Variants in SNTG2 observed in about 807,000 individuals in gnomAD.
SNTG2 encodes the protein syntrophin gamma 2.
SNTG2 carries 74 observed loss-of-function variants against 70.9 expected under a neutral mutation model. That is an observed-to-expected ratio of 1.04 (90% confidence interval 0.86 to 1.27). The LOEUF is 1.27. SNTG2 is among the 50% of genes most tolerant of loss of function. The pLI is 0.00. For synonymous variants in SNTG2, 278 were observed against 273.8 expected (o/e 1.02, Z -0.15); for missense variants, 717 against 690.7 (o/e 1.04, Z -0.43).
chr2:1,136,897 G>A (rs552130922), intron 4 of SNTG2, among the ~76,000 whole-genome samples: 5 of 152,178 alleles, frequency 3.3e-5, no homozygotes, highest in Non-Finnish European at 2.9e-5. Context: ...GATCAGAGCC[G>A]TCTCTGTACG....
chr2:1,305,038 A>G (rs1395162822), intron 14 of SNTG2, among the ~76,000 whole-genome samples: 1 of 152,094 alleles, frequency 6.6e-6, no homozygotes, highest in African/African-American at 2.4e-5. Context: ...TAATTGATTC[A>G]GAAGCTTTGC....
chr2:1,049,453 A>C (rs1381711804), intron 1 of SNTG2, among the ~76,000 whole-genome samples: 1 of 152,114 alleles, frequency 6.6e-6, no homozygotes, highest in African/African-American at 2.4e-5. Flanking sequence ...TACTAACATG[A>C]ATTTAAGCTT....
At chr2:1,269,371 A>G (rs1444643154) in intron 14 of SNTG2, among the ~76,000 whole-genome samples, 3 of 152,118 alleles carry the variant, frequency 2.0e-5, no homozygotes, top group Non-Finnish European at 2.9e-5. Flanking sequence ...ATAATAAAAT[A>G]TTAGCCAGGC....
intron 9 of SNTG2, among the ~76,000 whole-genome samples, chr2:1,209,752 A>C (rs1284354098): frequency 6.6e-6 from 1 of 152,244 alleles, no homozygotes; most frequent in African/African-American, 2.4e-5. Context: ...TTCGAGTAGA[A>C]AAATGTATGC....
At chr2:1,009,973 C>T (rs1188088400) in intron 1 of SNTG2, among the ~76,000 whole-genome samples, 1 of 152,148 alleles carries the variant, frequency 6.6e-6, no homozygotes, top group Non-Finnish European at 1.5e-5. Context: ...CAAGTTAAGT[C>T]ACCGTTTGGG....
In SNTG2 at chr2:1,247,360, C is replaced by T. The variant is rs868729393; in HGVS notation, c.922C>T (p.Gln308Ter). The T allele has an allele frequency of 1.9e-6, 3 of 1,613,802 alleles. No individual in the cohort carries two copies. The highest frequency in any genetic ancestry group is 4.5e-5 in the East Asian group (2 of 44,856). The change falls in exon 12 of 17, where the codon CAA becomes TAA. Residue 308 changes from glutamine to a stop codon, truncating the protein, a stop_gained. Transcript: ENST00000308624. LOFTEE classifies it high-confidence loss of function. ...TATGGGGTGGGTAAATGAGAAACTC[C>T]AAGGAGCTGACTCCTCTCAAACCTT... ...VHMGWVNEKL[Q>*]GADSSQTFRP...
chr2:1,153,323 T>C (rs1197980389), intron 6 of SNTG2, among the ~76,000 whole-genome samples: 1 of 152,230 alleles, frequency 6.6e-6, no homozygotes, highest in Non-Finnish European at 1.5e-5. Flanking sequence ...GTTAGTTACA[T>C]ATGTATATGT....
chr2:962,996 G>A (rs2147947473), intron 1 of SNTG2, among the ~76,000 whole-genome samples: 1 of 152,160 alleles, frequency 6.6e-6, no homozygotes, highest in African/African-American at 2.4e-5. Context: ...TTTTTGGCGT[G>A]GTAACATGAT....
chr2:1,016,147 A>G (rs1016015895), intron 1 of SNTG2, among the ~76,000 whole-genome samples: 1 of 152,182 alleles, frequency 6.6e-6, no homozygotes, highest in Non-Finnish European at 1.5e-5. Context: ...AGCACAGTAT[A>G]TAGTATGACC....
chr2:1,272,053 G>C (rs745438559), intron 14 of SNTG2, among the ~76,000 whole-genome samples: 2 of 152,150 alleles, frequency 1.3e-5, no homozygotes, highest in African/African-American at 4.8e-5. Flanking sequence ...CCGGTTTTGT[G>C]AATGACAGTT....
intron 14 of SNTG2, among the ~76,000 whole-genome samples, chr2:1,282,075 C>T (rs1313828578): frequency 2.6e-5 from 4 of 152,176 alleles, no homozygotes; most frequent in Admixed American, 2.6e-4. Flanking sequence ...TTATCAAAAC[C>T]GTAATAAATA....
intron 4 of SNTG2, among the ~76,000 whole-genome samples, chr2:1,124,274 A>G (rs1025570500): frequency 4.0e-5 from 6 of 151,218 alleles, no homozygotes; most frequent in Non-Finnish European, 7.4e-5. Context: ...TTGAAAATAT[A>G]TAGGGTGGAA....
intron 4 of SNTG2, among the ~76,000 whole-genome samples, chr2:1,117,615 C>T (rs1205058849): frequency 3.3e-5 from 5 of 152,132 alleles, no homozygotes; most frequent in South Asian, 2.1e-4. Context: ...AGAACCGAGG[C>T]GGAGCTGTGC....
At chr2:1,276,603 C>G (rs1679279544) in intron 14 of SNTG2, among the ~76,000 whole-genome samples, 4 of 152,234 alleles carry the variant, frequency 2.6e-5, no homozygotes, top group Admixed American at 6.5e-5. Flanking sequence ...CACTCAGGAG[C>G]TCTTGTGGAG....
intron 2 of SNTG2, among the ~76,000 whole-genome samples, chr2:1,096,498 G>A (rs921301313): frequency 1.1e-4 from 16 of 152,040 alleles, no homozygotes; most frequent in African/African-American, 3.6e-4. Context: ...AACCCTGAAC[G>A]CCCCTGGTAA....
At chr2:1,268,280 C>T (rs767139433) in intron 14 of SNTG2, among the ~76,000 whole-genome samples, 43 of 152,208 alleles carry the variant, frequency 2.8e-4, no homozygotes, top group African/African-American at 9.1e-4. Context: ...TGGCTGAGCG[C>T]GGAGAATGCT....
intron 14 of SNTG2, among the ~76,000 whole-genome samples, chr2:1,301,136 A>C (rs1680439626): frequency 6.6e-6 from 1 of 152,102 alleles, no homozygotes; most frequent in Admixed American, 6.6e-5. Flanking sequence ...GGTGACATGC[A>C]TGGAGTTCTC....
chr2:975,356 T>A lies in SNTG2; in HGVS notation c.72+24288T>A, dbSNP rs140471263. ...ATGAGCAAACACCACATGCTTGGAC[T>A]CACACCTGTGAGCAAACAACACGTG... On this transcript the variant is annotated intron_variant, in intron 1 of 16. Transcript: ENST00000308624. Among the ~76,000 whole-genome samples, 791 of 151,880 alleles carry A rather than the reference T, an allele frequency of 5.2e-3. 5 individuals carry two copies. Among genetic ancestry groups the A allele is most frequent in the African/African-American group, 0.018 (736 of 41,380 alleles).
At chr2:1,073,801 T>A (rs1366523620) in intron 1 of SNTG2, among the ~76,000 whole-genome samples, 1 of 152,264 alleles carries the variant, frequency 6.6e-6, no homozygotes, top group Non-Finnish European at 1.5e-5. Flanking sequence ...TAGGGTGAAG[T>A]TGCATGATGA....
Sources: gnomAD v4.1 joint callset for allele counts (sites outside exome capture counted in the v4.1 genomes callset) on GRCh38, gnomAD v4.1.1 for gene constraint, MANE v1.5 for transcripts, NCBI Gene and HGNC (gene_info 2026-07-23, HGNC 2026-07-21) for gene names.